Variants in ARMC3 observed in about 807,000 individuals in gnomAD.
ARMC3 encodes armadillo repeat-containing protein 3.
ARMC3 carries 74 observed loss-of-function variants against 90.3 expected under a neutral mutation model. The ratio of observed to expected loss-of-function variants is 0.82; its 90% confidence interval spans 0.68 to 0.99. ARMC3 has a LOEUF of 0.99. Among genes scored for constraint, ARMC3 ranks in the 50% least tolerant of loss-of-function variants. The pLI, the probability that ARMC3 is intolerant of heterozygous loss-of-function variation, is 0.00. For synonymous variants in ARMC3, 334 were observed against 361.8 expected, an observed-to-expected ratio of 0.92 and a Z score of 0.87; for missense variants, 958 against 1,042.8, an observed-to-expected ratio of 0.92 and a Z score of 1.12.
chr10:22,954,572 T>C (rs187323729), intron 3 of ARMC3, among the ~76,000 whole-genome samples: 95 of 148,474 alleles, frequency 6.4e-4, no homozygotes, highest in African/African-American at 2.3e-3. Context: ...CTCAGAAGAC[T>C]GAGGTGAGAG....
At chr10:22,977,115 T>C (rs564467501) in intron 8 of ARMC3, among the ~76,000 whole-genome samples, 1 of 152,348 alleles carries the variant, frequency 6.6e-6, no homozygotes, top group Non-Finnish European at 1.5e-5. Context: ...GGATTCTGGT[T>C]TGGGAAATGC....
At position 22,998,393 on chromosome 10, in the gene ARMC3, C is replaced by T. The variant is rs752603009; in HGVS notation, c.1421C>T (p.Thr474Ile). 1.2e-6 allele frequency: 2 copies of T among 1,613,884 alleles called. No individual in the cohort carries two copies. The highest frequency in any genetic ancestry group is 1.7e-6 in the Non-Finnish European group (2 of 1,179,876). The change falls in exon 11 of 19, where the codon ACT becomes ATT. Residue 474 changes from threonine (T) to isoleucine (I), a missense_variant. Physicochemically the swap from Thr to Ile is moderately conservative, Grantham distance 89. Transcript: ENST00000298032. ...TATACDVEAR[T>I]ELRNSGGLEP... Reference sequence around the variant, plus strand: ...ACTGCGTGTGACGTTGAAGCCCGGACTGAGGTGAGAATTTTAATAACATGT... The same window carrying T: ...ACTGCGTGTGACGTTGAAGCCCGGATTGAGGTGAGAATTTTAATAACATGT...
chr10:22,959,208 G>A, intron 5 of ARMC3, 70 bp downstream of exon 5: 1 of 1,426,692 alleles, frequency 7.0e-7, no homozygotes, highest in Non-Finnish European at 9.8e-7. Context: ...ACTATATATT[G>A]AAAATCATTC....
chr10:22,996,476 T>A (rs1836963152), intron 10 of ARMC3, among the ~76,000 whole-genome samples: 2 of 152,168 alleles, frequency 1.3e-5, no homozygotes. Context: ...GACGTCATCC[T>A]AGAGAAAGAA....
chr10:22,989,410 A>G (rs1013331989), intron 10 of ARMC3, among the ~76,000 whole-genome samples: 3 of 152,230 alleles, frequency 2.0e-5, no homozygotes, highest in African/African-American at 7.2e-5. Flanking sequence ...ACTCTTGAAC[A>G]ACATAATCTA....
At position 22,968,309 on chromosome 10, in the gene ARMC3, T is replaced by C. The variant is rs898148849; in HGVS notation, c.736T>C (p.Leu246=). 1.2e-6 allele frequency: 2 copies of C among 1,613,070 alleles called. No individual in the cohort carries two copies. The highest frequency in any genetic ancestry group is 2.7e-5 in the African/African-American group (2 of 74,894). The change falls in exon 8 of 19, where the codon TTG becomes CTG. Residue 246 remains leucine (L), a synonymous_variant. Coordinates refer to ENST00000298032, the MANE Select transcript of ARMC3 (RefSeq NM_173081.5). Reference sequence around the variant, plus strand: ...TTGTATTTGCTTTTATTATTAGGAATTGAATGACCTTCATATAGAAGCACT... The same window carrying C: ...TTGTATTTGCTTTTATTATTAGGAACTGAATGACCTTCATATAGAAGCACT... ...HLIKILETKE[L]NDLHIEALAV...
In ARMC3 at chr10:22,981,489, C is replaced by T; in HGVS notation, c.1066C>T (p.Gln356Ter). The T allele has an allele frequency of 6.2e-7, 1 of 1,613,408 alleles. No homozygotes were observed. Among genetic ancestry groups the T allele is most frequent in the South Asian group, 1.1e-5 (1 of 90,866 alleles). The change falls in exon 9 of 19, where the codon CAG becomes TAG. Residue 356 changes from glutamine (Q) to a stop codon, truncating the protein, a stop_gained. Coordinates refer to ENST00000298032, the MANE Select transcript of ARMC3 (RefSeq NM_173081.5). LOFTEE classifies it high-confidence loss of function. ...AGGCAGCAAAGATTTTTTCAATAAT[C>T]AGGGTAAGTCAACTGGAAACAATTC... ...NSGSKDFFNN[Q>*]GIPQLIQLLK...
chr10:22,958,683 T>A (rs1327443034), intron 4 of ARMC3, among the ~76,000 whole-genome samples: 1 of 152,114 alleles, frequency 6.6e-6, no homozygotes, highest in African/African-American at 2.4e-5. Flanking sequence ...ATAATAATAT[T>A]ACCTGTCTCA....
At chr10:22,968,253 G>T in intron 7 of ARMC3, 53 bp from the exon 8 acceptor site, 1 of 1,517,392 alleles carries the variant, frequency 6.6e-7, no homozygotes. Flanking sequence ...TCAAATTTGG[G>T]AAGTGTACAT....
At chr10:23,009,043 C>T (rs1837789640) in intron 16 of ARMC3, 112 bp downstream of exon 16, 1 of 753,792 alleles carries the variant, frequency 1.3e-6, no homozygotes. Flanking sequence ...AGGCAAGACT[C>T]ATGAGATGAA....
At chr10:22,936,630 G>A (rs1304906386) in intron 2 of ARMC3, among the ~76,000 whole-genome samples, 3 of 152,094 alleles carry the variant, frequency 2.0e-5, no homozygotes, top group African/African-American at 7.2e-5. Flanking sequence ...GAGCTTGTTG[G>A]TGACTGACTT....
chr10:22,965,090 C>G (rs1310534834), intron 7 of ARMC3, among the ~76,000 whole-genome samples: 1 of 152,076 alleles, frequency 6.6e-6, no homozygotes, highest in Non-Finnish European at 1.5e-5. Context: ...TAGTACCTAT[C>G]CATATATTCA....
intron 3 of ARMC3, among the ~76,000 whole-genome samples, chr10:22,948,105 C>G (rs1021430733): frequency 8.5e-5 from 13 of 152,052 alleles, no homozygotes; most frequent in African/African-American, 3.1e-4. Flanking sequence ...GAGAGAACAA[C>G]AAATCATTCA....
chr10:23,006,067 C>A (rs1443306484), intron 13 of ARMC3, among the ~76,000 whole-genome samples: 1 of 151,992 alleles, frequency 6.6e-6, no homozygotes, highest in African/African-American at 2.4e-5. Flanking sequence ...TAGTCCCGGG[C>A]AAATCTGGGG....
At chr10:22,962,153 A>G (rs948689834) in intron 7 of ARMC3, 75 bp downstream of exon 7, 253 of 1,140,024 alleles carry the variant, frequency 2.2e-4, no homozygotes, top group Non-Finnish European at 2.9e-4. Context: ...AAATTTTATT[A>G]TACTTAACGT....
intron 12 of ARMC3, 109 bp downstream of exon 12, chr10:23,002,164 TC>T: frequency 6.9e-7 from 1 of 1,444,874 alleles, no homozygotes; most frequent in Non-Finnish European, 9.2e-7. Flanking sequence ...GCTCTCTCAG[TC>T]CGCTGAAGCG....
intron 7 of ARMC3, among the ~76,000 whole-genome samples, chr10:22,964,961 A>G (rs1001367462): frequency 1.3e-5 from 2 of 152,176 alleles, no homozygotes; most frequent in African/African-American, 4.8e-5. Context: ...TAATATTGTT[A>G]CATATTTTAT....
chr10:22,959,490 A>G lies in ARMC3; in HGVS notation c.453A>G (p.Gly151=). 2 of 1,614,056 alleles carry G rather than the reference A, an allele frequency of 1.2e-6. No individual in the cohort carries two copies. Among genetic ancestry groups the G allele is most frequent in the African/African-American group, 2.7e-5 (2 of 75,052 alleles). ...AAGTGCAAATATTTGAACATGGGGGATTAGAGCCACTCATCAGACTACTGA... is the reference window on the plus strand; with the variant it reads ...AAGTGCAAATATTTGAACATGGGGGGTTAGAGCCACTCATCAGACTACTGA... The part of the protein sequence containing the change: ...TSKVQIFEHG[G]LEPLIRLLSS... Residue 151 remains glycine, a synonymous_variant, in exon 6 of 19, where the codon GGA becomes GGG. Transcript: ENST00000298032.
chr10:22,931,303 TTCCAC>T (rs1833922051), intron 1 of ARMC3, among the ~76,000 whole-genome samples: 1 of 152,210 alleles, frequency 6.6e-6, no homozygotes, highest in Non-Finnish European at 1.5e-5. Context: ...CTTTCACTTT[TTCCAC>T]ACAGACATGG....
Sources: gnomAD v4.1 joint callset for allele counts (sites outside exome capture counted in the v4.1 genomes callset) on GRCh38, gnomAD v4.1.1 for gene constraint, MANE v1.5 for transcripts, NCBI Gene and HGNC (gene_info 2026-07-23, HGNC 2026-07-21) for gene names.